CPNE8: variants seen among roughly 807,000 people sequenced by gnomAD.
CPNE8 encodes copine-8.
A neutral mutation model predicts 81.5 loss-of-function variants in CPNE8; 45 were observed. The observed-to-expected ratio is 0.55, with a 90% CI of 0.44 to 0.71. The LOEUF (loss-of-function observed/expected upper bound fraction) is 0.71, where lower values mean the gene tolerates loss of function less well. Among genes scored for constraint, CPNE8 ranks in the 30% least tolerant of loss-of-function variants. CPNE8 has a pLI of 0.00. For missense variants in CPNE8, 594 were observed against 672.1 expected, an observed-to-expected ratio of 0.88 and a Z score of 1.28; for synonymous variants, 252 against 226.3, an observed-to-expected ratio of 1.11 and a Z score of -1.02.
chr12:38,784,508 C>T (rs376597863), intron 6 of CPNE8, among the ~76,000 whole-genome samples: 19 of 152,014 alleles, frequency 1.2e-4, no homozygotes, highest in African/African-American at 4.3e-4. Context: ...GATACCAATA[C>T]CCAAGGATAA....
chr12:38,756,780 C>A (rs568588120), intron 10 of CPNE8, among the ~76,000 whole-genome samples: 1 of 152,302 alleles, frequency 6.6e-6, no homozygotes, highest in Non-Finnish European at 1.5e-5. Context: ...ACATGGACTT[C>A]ATTAAAGTCT....
At chr12:38,699,008 G>T (rs1939866481) in intron 14 of CPNE8, among the ~76,000 whole-genome samples, 1 of 152,238 alleles carries the variant, frequency 6.6e-6, no homozygotes, top group African/African-American at 2.4e-5. Context: ...CATCCTTTCA[G>T]ATTTTGATAA....
intron 6 of CPNE8, 28 bp from the exon 7 acceptor site, chr12:38,776,329 C>G (rs187064853): frequency 1.0e-6 from 1 of 974,800 alleles, no homozygotes; most frequent in South Asian, 2.0e-5. Flanking sequence ...TATTTATATA[C>G]ATTAATATGT....
At chr12:38,839,201 A>G (rs745811622) in intron 5 of CPNE8, among the ~76,000 whole-genome samples, 1 of 152,080 alleles carries the variant, frequency 6.6e-6, no homozygotes, top group Non-Finnish European at 1.5e-5. Context: ...ACAGGTCAAT[A>G]AACAAGTTGA....
intron 6 of CPNE8, among the ~76,000 whole-genome samples, chr12:38,825,269 A>G (rs1326676227): frequency 6.6e-6 from 1 of 152,144 alleles, no homozygotes; most frequent in Non-Finnish European, 1.5e-5. Flanking sequence ...CCCTGGTTTC[A>G]TTTCTTCCAA....
chr12:38,797,224 G>A (rs1200929058), intron 6 of CPNE8, among the ~76,000 whole-genome samples: 1 of 152,172 alleles, frequency 6.6e-6, no homozygotes, highest in African/African-American at 2.4e-5. Context: ...CTGGAGATCT[G>A]AGAACGGGCA....
chr12:38,667,355 TC>T (rs995525184), intron 19 of CPNE8, among the ~76,000 whole-genome samples: 7 of 152,220 alleles, frequency 4.6e-5, no homozygotes, highest in Non-Finnish European at 1.0e-4. Flanking sequence ...AGTGTTTCTC[TC>T]CTTTAAAATA....
intron 6 of CPNE8, among the ~76,000 whole-genome samples, chr12:38,828,297 T>C (rs1218642648): frequency 6.6e-6 from 1 of 152,138 alleles, no homozygotes; most frequent in Non-Finnish European, 1.5e-5. Context: ...AAATATATTT[T>C]TGTAATAAGC....
At chr12:38,775,055 AT>A (rs1941899211) in intron 7 of CPNE8, among the ~76,000 whole-genome samples, 1 of 152,162 alleles carries the variant, frequency 6.6e-6, no homozygotes. Flanking sequence ...ATATCATATG[AT>A]TCCCTGAGCA....
rs182433159 is a variant in CPNE8, at chr12:38,746,050, G to C, written c.722+14797C>G. Among the ~76,000 whole-genome samples the C allele has an allele frequency of 1.5e-3, 221 of 152,148 alleles. 1 individual carries two copies. Among genetic ancestry groups the C allele is most frequent in the African/African-American group, 5.0e-3 (209 of 41,492 alleles). On this transcript the variant is annotated intron_variant, in intron 10 of 19. Coordinates refer to ENST00000331366, the MANE Select transcript of CPNE8 (RefSeq NM_153634.3). ...TCCAGTTAAAACCACTGCTTTAAGT[G>C]GCCGCAATATGTATTTCTCGCAATC...
intron 15 of CPNE8, among the ~76,000 whole-genome samples, chr12:38,690,022 C>T (rs570235545): frequency 8.5e-5 from 13 of 152,118 alleles, no homozygotes; most frequent in South Asian, 2.1e-4. Flanking sequence ...CCTTTTCAAA[C>T]GAGCAAAGCT....
In CPNE8 at chr12:38,739,444, T is replaced by C. The variant is rs73107159; in HGVS notation, c.723-9086A>G. Among the ~76,000 whole-genome samples the C allele has an allele frequency of 9.3e-3, 1,413 of 152,292 alleles. 18 individuals are homozygous for C. Among genetic ancestry groups the C allele is most frequent in the Middle Eastern group, 0.027 (8 of 294 alleles). Reference sequence around the variant, plus strand: ...GCTGCTGCTTAGATGGTATAATATCTGTATGTGGAAACTCTTCTTTAAAAT... The same window carrying C: ...GCTGCTGCTTAGATGGTATAATATCCGTATGTGGAAACTCTTCTTTAAAAT... On this transcript the variant is annotated intron_variant, in intron 10 of 19. Coordinates refer to ENST00000331366, the MANE Select transcript of CPNE8 (RefSeq NM_153634.3).
chr12:38,687,370 C>CTTTTTTTT (rs35643732), intron 15 of CPNE8, among the ~76,000 whole-genome samples: 1 of 95,528 alleles, frequency 1.0e-5, no homozygotes, highest in Admixed American at 1.3e-4. Context: ...AATGCCAAGA[C>CTTTTTTTT]TTTCTTTTTT....
intron 5 of CPNE8, among the ~76,000 whole-genome samples, chr12:38,834,714 T>C (rs914535143): frequency 5.3e-5 from 8 of 152,096 alleles, no homozygotes; most frequent in Admixed American, 1.3e-4. Context: ...TCCAGTGATA[T>C]CCATCCAAAA....
intron 7 of CPNE8, among the ~76,000 whole-genome samples, chr12:38,771,408 G>A (rs952629260): frequency 6.6e-6 from 1 of 151,896 alleles, no homozygotes; most frequent in Non-Finnish European, 1.5e-5. Context: ...AAAGCCTGCA[G>A]TTAGCCAAAA....
chr12:38,738,420 T>C (rs912839647), intron 10 of CPNE8, among the ~76,000 whole-genome samples: 1 of 152,152 alleles, frequency 6.6e-6, no homozygotes, highest in African/African-American at 2.4e-5. Context: ...CCCAAAAGCA[T>C]TTATCCCAGC....
chr12:38,666,037 G>A (rs1939050853), intron 19 of CPNE8, among the ~76,000 whole-genome samples: 1 of 152,102 alleles, frequency 6.6e-6, no homozygotes, highest in Non-Finnish European at 1.5e-5. Flanking sequence ...TCTGCTAGGC[G>A]ATTTAGCACA....
intron 16 of CPNE8, 65 bp downstream of exon 16, chr12:38,685,425 A>G: frequency 6.5e-7 from 1 of 1,530,828 alleles, no homozygotes. Flanking sequence ...CATGCTAGCA[A>G]CAATGTTATG....
At chr12:38,748,664 C>T (rs1214892342) in intron 10 of CPNE8, among the ~76,000 whole-genome samples, 2 of 150,428 alleles carry the variant, frequency 1.3e-5, no homozygotes, top group African/African-American at 4.9e-5. Flanking sequence ...CCACGCCCGG[C>T]TAATTTTTTT....
Sources: allele counts gnomAD v4.1 joint callset (sites outside exome capture counted in the v4.1 genomes callset), GRCh38; gene constraint gnomAD v4.1.1; transcripts MANE v1.5; gene names NCBI Gene and HGNC (gene_info 2026-07-23, HGNC 2026-07-21).